Variants in PRRX2 observed in about 807,000 individuals in gnomAD.
PRRX2 encodes paired mesoderm homeobox protein 2.
A neutral mutation model predicts 18.0 loss-of-function variants in PRRX2; 11 were observed. That is an observed-to-expected ratio of 0.61 (90% confidence interval 0.39 to 1.01). The LOEUF (loss-of-function observed/expected upper bound fraction) is 1.01. Ranked by LOEUF, PRRX2 falls within the 50% of genes least tolerant of loss-of-function variation. The pLI, the probability that PRRX2 is intolerant of heterozygous loss-of-function variation, is 0.01. For missense variants in PRRX2, 387 were observed against 351.0 expected, an observed-to-expected ratio of 1.10 and a Z score of -0.82; for synonymous variants, 177 against 154.8, an observed-to-expected ratio of 1.14 and a Z score of -1.06.
At chr9:129,718,369 G>GTGCCCTGGCCCACACC (rs1832741911) in intron 1 of PRRX2, among the ~76,000 whole-genome samples, 2 of 152,036 alleles carry the variant, frequency 1.3e-5, no homozygotes, top group South Asian at 4.1e-4. Context: ...GCATCCTCCC[G>GTGCCCTGGCCCACACC]TGCCCTGGCC....
Position 129,719,421 on chromosome 9 carries a change from G to A in PRRX2, c.447+3G>A, listed in dbSNP as rs1180771820. 1.3e-6 allele frequency: 2 copies of A among 1,524,196 alleles called. No homozygotes were observed. The highest frequency in any genetic ancestry group is 1.4e-5 in the African/African-American group (1 of 72,486). The allele number at this position is 1,524,196 out of a possible 1,614,324, so 94.4% of individuals were successfully genotyped here. On this transcript the variant is annotated splice_donor_region_variant and intron_variant, in intron 2 of 3. Coordinates refer to ENST00000372469, the MANE Select transcript of PRRX2 (RefSeq NM_016307.4). Reference sequence around the variant, plus strand: ...ACCTCAGCGAGGCGCGCGTTCAGGTGAGCGCTCAGTCCCGGGCCTCCCGTG... The same window carrying A: ...ACCTCAGCGAGGCGCGCGTTCAGGTAAGCGCTCAGTCCCGGGCCTCCCGTG...
rs538411699 is a variant in PRRX2, at chr9:129,720,616, C to A, written c.468C>A (p.Arg156=). Residue 156 remains arginine, a synonymous_variant, in exon 3 of 4, where the codon CGC becomes CGA. Transcript: ENST00000372469. ...ARVQVWFQNR[R]AKFRRNERAM... is the part of the protein sequence containing the mutation. ...CACAGGTCTGGTTTCAGAACCGCCG[C>A]GCCAAGTTCCGCAGGAATGAAAGGG... 1.1e-5 allele frequency: 18 copies of A among 1,611,164 alleles called. No individual in the cohort carries two copies. Among genetic ancestry groups the A allele is most frequent in the Non-Finnish European group, 1.5e-5 (18 of 1,178,538 alleles).
rs559686072 is a variant in PRRX2, at chr9:129,666,231, G to C, written c.259+105G>C. 862 of 893,692 alleles carry C rather than the reference G, an allele frequency of 9.6e-4. 6 individuals are homozygous for C. In the African/African-American group the frequency reaches 0.015, roughly 15 times the overall value. 55.4% of individuals were successfully genotyped at this position (893,692 alleles called of 1,614,324 possible). On this transcript the variant is annotated intron_variant, in intron 1 of 3. Coordinates refer to ENST00000372469, the MANE Select transcript of PRRX2 (RefSeq NM_016307.4). ...CGCGGGGCGGGCGAAGATGCAGGGC[G>C]CGTGGTCGGCGGCAGGACTTCTGGG... is the stretch of plus-strand genomic sequence containing the variant.
intron 1 of PRRX2, among the ~76,000 whole-genome samples, chr9:129,683,589 G>A (rs1832260146): frequency 6.6e-6 from 1 of 151,954 alleles, no homozygotes; most frequent in Admixed American, 6.5e-5. Context: ...CAAAAAATTA[G>A]CTGGGCGTGG....
chr9:129,696,289 C>T (rs192989341), intron 1 of PRRX2, among the ~76,000 whole-genome samples: 8 of 152,238 alleles, frequency 5.3e-5, no homozygotes, highest in Admixed American at 2.6e-4. Flanking sequence ...AAGCAGGGCA[C>T]CTTGGCTGGG....
chr9:129,719,285 G>A lies in PRRX2; in HGVS notation c.314G>A (p.Arg105Gln), dbSNP rs1367539391. Reference protein sequence around the residue: ...GSAAKRKKKQRRNRTTFNSSQ... With the variant: ...GSAAKRKKKQQRNRTTFNSSQ... ...GCCGCCAAGCGGAAGAAGAAGCAGC[G>A]GCGGAACCGCACCACGTTCAACAGC... Residue 105 changes from arginine to glutamine, a missense_variant, in exon 2 of 4, where the codon CGG becomes CAG. Physicochemically the swap from Arg to Gln is conservative, Grantham distance 43. Transcript: ENST00000372469. 6.2e-7 allele frequency: 1 copy of A among 1,610,236 alleles called. No homozygotes were observed. Among genetic ancestry groups the A allele is most frequent in the Non-Finnish European group, 8.5e-7 (1 of 1,178,672 alleles).
At chr9:129,690,504 CTT>C (rs34070492) in intron 1 of PRRX2, among the ~76,000 whole-genome samples, 139 of 130,904 alleles carry the variant, frequency 1.1e-3, no homozygotes, top group African/African-American at 2.0e-3. Context: ...GGTGCCAGCT[CTT>C]TTTTTTTTTT....
intron 1 of PRRX2, among the ~76,000 whole-genome samples, chr9:129,717,695 CAAAAAAAAAAAAAAAA>C (rs568330077): frequency 1.2e-5 from 1 of 82,522 alleles, no homozygotes; most frequent in Non-Finnish European, 2.6e-5. Flanking sequence ...GACTCCGCCT[CAAAAAAAAAAAAAAAA>C]AAAGAAAAAG....
chr9:129,684,453 CACACA>C lies in PRRX2; in HGVS notation c.259+18328_259+18332del, dbSNP rs1564147281. ...ACACACACACACACACACACACACACACACACCCAACAGAAAAGATACCAGAAATC... is the reference window on the plus strand; with the variant it reads ...ACACACACACACACACACACACACACCCCAACAGAAAAGATACCAGAAATC... On this transcript the variant is annotated intron_variant, in intron 1 of 3. Coordinates refer to ENST00000372469, the MANE Select transcript of PRRX2 (RefSeq NM_016307.4). Among the ~76,000 whole-genome samples the C allele has an allele frequency of 1.2e-3, 170 of 141,012 alleles. 1 individual carries two copies. The highest frequency in any genetic ancestry group is 3.7e-3 in the African/African-American group (138 of 37,268). The allele number at this position is 141,012 out of a possible 152,430, so 92.5% of individuals were successfully genotyped here.
chr9:129,716,027 G>A (rs1404781603), intron 1 of PRRX2, among the ~76,000 whole-genome samples: 2 of 152,040 alleles, frequency 1.3e-5, no homozygotes, highest in African/African-American at 4.8e-5. Context: ...AAAAATACAA[G>A]GTATGGACTA....
rs140530682 is a variant in PRRX2 at position 129,709,089 on chromosome 9, T to C, written c.260-10142T>C. Among the ~76,000 whole-genome samples the C allele has an allele frequency of 3.9e-5, 6 of 152,160 alleles. No homozygotes were observed. Among genetic ancestry groups the C allele is most frequent in the African/African-American group, 1.2e-4 (5 of 41,508 alleles). On this transcript the variant is annotated intron_variant, in intron 1 of 3. Coordinates refer to ENST00000372469, the MANE Select transcript of PRRX2 (RefSeq NM_016307.4). The surrounding 1 kb of genome is among the most constrained non-coding windows in gnomAD (Gnocchi z 4.2). ...GCCTCTCAGGGCTGGGCATGTAGGC[T>C]GAAATCCAGGGCTGGGTCAGCTTTA...
At chr9:129,697,170 C>T (rs1316886107) in intron 1 of PRRX2, among the ~76,000 whole-genome samples, 2 of 152,228 alleles carry the variant, frequency 1.3e-5, no homozygotes, top group Non-Finnish European at 2.9e-5. Context: ...GGGTTGGATT[C>T]CCTTGCACTC....
At chr9:129,711,973 A>C (rs1340659204) in intron 1 of PRRX2, among the ~76,000 whole-genome samples, 3 of 152,134 alleles carry the variant, frequency 2.0e-5, no homozygotes, top group African/African-American at 7.2e-5. Flanking sequence ...GGGGCCCTTC[A>C]AAGGAACCCA....
chr9:129,710,438 T>C (rs1832603791), intron 1 of PRRX2, among the ~76,000 whole-genome samples: 1 of 152,150 alleles, frequency 6.6e-6, no homozygotes, highest in Non-Finnish European at 1.5e-5. Flanking sequence ...CTTGGCCTGA[T>C]TGAAAGCTAG....
At chr9:129,703,642 C>T (rs546424687) in intron 1 of PRRX2, among the ~76,000 whole-genome samples, 1 of 151,858 alleles carries the variant, frequency 6.6e-6, no homozygotes, top group Non-Finnish European at 1.5e-5. Context: ...CAGTGCCAGG[C>T]GCATAATAAA....
At chr9:129,683,458 G>A (rs868653835) in intron 1 of PRRX2, among the ~76,000 whole-genome samples, 6 of 151,936 alleles carry the variant, frequency 3.9e-5, no homozygotes, top group African/African-American at 9.7e-5. Context: ...GCAGGAGGCC[G>A]GGCGCGGTGG....
chr9:129,703,214 A>G (rs1273041836), intron 1 of PRRX2, among the ~76,000 whole-genome samples: 5 of 152,232 alleles, frequency 3.3e-5, no homozygotes, highest in African/African-American at 1.2e-4. Context: ...CAGGGGAGCC[A>G]GGTGGGTGGG....
intron 1 of PRRX2, among the ~76,000 whole-genome samples, chr9:129,689,814 A>G (rs144495941): frequency 4.1e-3 from 414 of 101,148 alleles, no homozygotes; most frequent in African/African-American, 0.026. Context: ...GTGCAGTGGC[A>G]CAATCTTGGC....
chr9:129,698,403 T>C (rs759303109), intron 1 of PRRX2, among the ~76,000 whole-genome samples: 54 of 152,300 alleles, frequency 3.5e-4, no homozygotes, highest in Middle Eastern at 3.4e-3. Context: ...TGCCCAGGGC[T>C]TGGGACTCAG....
Sources: allele counts gnomAD v4.1 joint callset (sites outside exome capture counted in the v4.1 genomes callset), GRCh38; gene constraint gnomAD v4.1.1; non-coding constraint Gnocchi (gnomAD v3.1); transcripts MANE v1.5; gene names NCBI Gene and HGNC (gene_info 2026-07-23, HGNC 2026-07-21).